The following CYP39A1 variants were observed in gnomAD, a reference collection of about 807,000 sequenced individuals.
CYP39A1 encodes 24-hydroxycholesterol 7-alpha-hydroxylase.
In CYP39A1, 49 loss-of-function variants were observed where a neutral mutation model predicts 58.1. The observed-to-expected ratio is 0.84, with a 90% CI of 0.67 to 1.07. The LOEUF is 1.07. CYP39A1 is among the 50% of genes least tolerant of loss of function. The pLI is 0.00. For missense variants in CYP39A1, 531 were observed against 539.4 expected (o/e 0.98, Z 0.16); for synonymous variants, 209 against 187.6 (o/e 1.11, Z -0.93).
chr6:46,611,379 A>G (rs1330872373), intron 7 of CYP39A1, among the ~76,000 whole-genome samples: 9 of 152,250 alleles, frequency 5.9e-5, no homozygotes, highest in Admixed American at 5.2e-4. Flanking sequence ...TGAAGGACTG[A>G]CTGCAACGTT....
At chr6:46,620,013 A>G (rs1407359031) in intron 7 of CYP39A1, among the ~76,000 whole-genome samples, 2 of 152,186 alleles carry the variant, frequency 1.3e-5, no homozygotes, top group African/African-American at 4.8e-5. Flanking sequence ...CTTAAAAGCA[A>G]TAAGAAATTT....
In CYP39A1 at chr6:46,625,517, G is replaced by A; in HGVS notation, c.841-9C>T. The A allele has an allele frequency of 6.3e-7, 1 of 1,590,294 alleles. No individual in the cohort carries two copies. Among genetic ancestry groups the A allele is most frequent in the Non-Finnish European group, 8.6e-7 (1 of 1,163,388 alleles). On this transcript the variant is annotated splice_polypyrimidine_tract_variant and intron_variant, in intron 6 of 11. Transcript: ENST00000275016. ...AGTGTCCAAAATGCAACCTTAAAAA[G>A]AAAAACATATATCAAAAATATGAAC...
chr6:46,556,109 G>C (rs1770651922), intron 10 of CYP39A1, among the ~76,000 whole-genome samples: 1 of 152,110 alleles, frequency 6.6e-6, no homozygotes, highest in East Asian at 1.9e-4. Flanking sequence ...TCCATTCCTG[G>C]CCATGATAAA....
chr6:46,577,267 G>T (rs962332310), intron 10 of CYP39A1, among the ~76,000 whole-genome samples: 6 of 152,110 alleles, frequency 3.9e-5, no homozygotes, highest in African/African-American at 1.4e-4. Context: ...CCTTACAAGA[G>T]GTCCTTAAGG....
chr6:46,610,663 A>G (rs1226679962), intron 7 of CYP39A1, among the ~76,000 whole-genome samples: 2 of 152,112 alleles, frequency 1.3e-5, no homozygotes, highest in African/African-American at 2.4e-5. Context: ...AATAATTTTT[A>G]TTTATAATCA....
At chr6:46,565,271 T>C (rs1771215559) in intron 10 of CYP39A1, among the ~76,000 whole-genome samples, 1 of 152,142 alleles carries the variant, frequency 6.6e-6, no homozygotes, top group African/African-American at 2.4e-5. Context: ...AACCTTTTAA[T>C]TTTAGCACAC....
At chr6:46,565,656 A>T (rs1169021195) in intron 10 of CYP39A1, among the ~76,000 whole-genome samples, 2 of 152,128 alleles carry the variant, frequency 1.3e-5, no homozygotes, top group Non-Finnish European at 2.9e-5. Flanking sequence ...TGCCCAGATA[A>T]CCAACTGTGC....
chr6:46,566,068 T>G (rs1312266541), intron 10 of CYP39A1, among the ~76,000 whole-genome samples: 5 of 152,164 alleles, frequency 3.3e-5, no homozygotes, highest in African/African-American at 1.2e-4. Flanking sequence ...ACCTCAGCCC[T>G]TCTCGATTTG....
At position 46,639,571 on chromosome 6, in the gene CYP39A1, C is replaced by A; in HGVS notation, c.411G>T (p.Gly137=). 6.2e-7 allele frequency: 1 copy of A among 1,613,920 alleles called. No individual in the cohort carries two copies. The highest frequency in any genetic ancestry group is 8.5e-7 in the Non-Finnish European group (1 of 1,179,840). The change falls in exon 3 of 12, where the codon GGG becomes GGT. Residue 137 remains glycine, a synonymous_variant. Transcript: ENST00000275016. The part of the protein sequence containing the change: ...MGTVNLHQFT[G]QLTEELHEQL... ...GTTCATGTAATTCTTCAGTCAGTTG[C>A]CCAGTAAACTGATGGAGATTGACAG...
At chr6:46,574,406 G>A (rs1233409353) in intron 10 of CYP39A1, among the ~76,000 whole-genome samples, 1 of 152,124 alleles carries the variant, frequency 6.6e-6, no homozygotes, top group East Asian at 1.9e-4. Context: ...AGCTGGGAGT[G>A]GAATCAGTGC....
At chr6:46,570,656 G>A (rs1771537330) in intron 10 of CYP39A1, among the ~76,000 whole-genome samples, 1 of 152,120 alleles carries the variant, frequency 6.6e-6, no homozygotes, top group South Asian at 2.1e-4. Context: ...TTCTGGTGAG[G>A]GCCTCAGGAG....
At chr6:46,617,050 A>ACTTAT (rs1219994142) in intron 7 of CYP39A1, among the ~76,000 whole-genome samples, 3 of 152,152 alleles carry the variant, frequency 2.0e-5, no homozygotes, top group Non-Finnish European at 4.4e-5. Context: ...GTATGCAACA[A>ACTTAT]GTAAAGATGA....
chr6:46,554,063 A>G (rs1770546468), intron 10 of CYP39A1, among the ~76,000 whole-genome samples: 1 of 152,190 alleles, frequency 6.6e-6, no homozygotes, highest in Admixed American at 6.5e-5. Context: ...ATTGCTTTAA[A>G]ATGTATATAA....
chr6:46,567,515 A>AT (rs1326403565), intron 10 of CYP39A1, among the ~76,000 whole-genome samples: 3 of 151,810 alleles, frequency 2.0e-5, no homozygotes, highest in Admixed American at 6.6e-5. Flanking sequence ...TCATATGGCA[A>AT]TTTTTTTTAA....
rs147290944 is a variant in CYP39A1 at position 46,582,727 on chromosome 6, C to T, written c.1250+4350G>A. On this transcript the variant is annotated intron_variant, in intron 10 of 11. Coordinates refer to ENST00000275016, the MANE Select transcript of CYP39A1 (RefSeq NM_016593.5). ...TATGGCTATGTCTCATTTCCCCAACCACATTATAACCAATTCAGAAATGTT... is the reference window on the plus strand; with the variant it reads ...TATGGCTATGTCTCATTTCCCCAACTACATTATAACCAATTCAGAAATGTT... 1.6e-4 allele frequency among the ~76,000 whole-genome samples: 24 copies of T among 151,898 alleles called. 1 individual carries two copies. In the East Asian group the frequency reaches 4.7e-3, roughly 29 times the overall value.
chr6:46,589,646 C>G, intron 8 of CYP39A1, among the ~76,000 whole-genome samples: 1 of 151,974 alleles, frequency 6.6e-6, no homozygotes. Flanking sequence ...GAAGCTTTTG[C>G]AGGTACCTTC....
intron 5 of CYP39A1, among the ~76,000 whole-genome samples, chr6:46,635,914 T>C (rs1775956679): frequency 6.6e-6 from 1 of 152,208 alleles, no homozygotes; most frequent in Admixed American, 6.5e-5. Context: ...TGTCGGTTTA[T>C]GGGCCACATT....
chr6:46,578,179 T>C (rs1771941431), intron 10 of CYP39A1, among the ~76,000 whole-genome samples: 1 of 152,008 alleles, frequency 6.6e-6, no homozygotes, highest in Non-Finnish European at 1.5e-5. Context: ...TGAATGACTT[T>C]AAAGAATGAA....
At chr6:46,625,301 A>G (rs1343090158) in intron 7 of CYP39A1, 117 bp downstream of exon 7, 1 of 666,440 alleles carries the variant, frequency 1.5e-6, no homozygotes, top group African/African-American at 1.8e-5. Context: ...ATAACAAATT[A>G]TGTTGAATTT....
Sources: allele counts gnomAD v4.1 joint callset (sites outside exome capture counted in the v4.1 genomes callset), GRCh38; gene constraint gnomAD v4.1.1; transcripts MANE v1.5; gene names NCBI Gene and HGNC (gene_info 2026-07-23, HGNC 2026-07-21).